The following MTMR7 variants were observed in gnomAD, a reference collection of about 807,000 sequenced individuals.
MTMR7 encodes the protein myotubularin related protein 7, also known as phosphatidylinositol-3-phosphate phosphatase MTMR7.
In MTMR7, 76 loss-of-function variants were observed where a neutral mutation model predicts 81.2. The ratio of observed to expected loss-of-function variants is 0.94; its 90% CI spans 0.78 to 1.13. The LOEUF (loss-of-function observed/expected upper bound fraction) is 1.13, where lower values mean the gene tolerates loss of function less well. MTMR7 is among the 50% of genes most tolerant of loss of function. The pLI is 0.00. For missense variants in MTMR7, 1,044 were observed against 820.0 expected, an observed-to-expected ratio of 1.27 and a Z score of -3.34; for synonymous variants, 372 against 289.8, an observed-to-expected ratio of 1.28 and a Z score of -2.88.
chr8:17,326,986 G>T (rs1023097803), intron 7 of MTMR7, among the ~76,000 whole-genome samples: 1 of 152,218 alleles, frequency 6.6e-6, no homozygotes, highest in Admixed American at 6.5e-5. Context: ...GTAATGCAGT[G>T]ACCATTCTGC....
intron 1 of MTMR7, among the ~76,000 whole-genome samples, chr8:17,400,902 G>A (rs17124519): frequency 0.013 from 2,002 of 152,160 alleles, 47 homozygotes; most frequent in African/African-American, 0.035. Context: ...CTCAAAAATC[G>A]CCCACATTTC....
At chr8:17,401,342 G>A (rs1821424266) in intron 1 of MTMR7, among the ~76,000 whole-genome samples, 2 of 152,096 alleles carry the variant, frequency 1.3e-5, no homozygotes, top group Admixed American at 1.3e-4. Flanking sequence ...CTCGTGCAAA[G>A]GTGTTGAAAA....
intron 1 of MTMR7, among the ~76,000 whole-genome samples, chr8:17,380,479 A>C (rs893050555): frequency 2.0e-5 from 3 of 151,970 alleles, no homozygotes; most frequent in African/African-American, 7.3e-5. Context: ...ATGGGTCTCC[A>C]ACCTTTCGGC....
chr8:17,305,551 G>GA (rs1817392676), intron 11 of MTMR7, among the ~76,000 whole-genome samples: 1 of 151,986 alleles, frequency 6.6e-6, no homozygotes, highest in South Asian at 2.1e-4. Context: ...GAAACTGAAG[G>GA]AAAAAATGAA....
chr8:17,397,751 C>T (rs1821305641), intron 1 of MTMR7, among the ~76,000 whole-genome samples: 1 of 152,128 alleles, frequency 6.6e-6, no homozygotes, highest in African/African-American at 2.4e-5. Context: ...GTAGTGGTTA[C>T]AGTGGATCCT....
chr8:17,382,377 G>A (rs1326785264), intron 1 of MTMR7, among the ~76,000 whole-genome samples: 1 of 151,986 alleles, frequency 6.6e-6, no homozygotes, highest in Admixed American at 6.6e-5. Flanking sequence ...CTTCTTTTTT[G>A]CTTCTCTTGG....
chr8:17,304,464 A>T lies in MTMR7; in HGVS notation c.1408T>A (p.Tyr470Asn), dbSNP rs370848870. 33 of 1,614,100 alleles carry T rather than the reference A, an allele frequency of 2.0e-5. No individual in the cohort carries two copies. The East Asian group carries it at 4.2e-4, about 21-fold the overall frequency. The change falls in exon 12 of 14, where the codon TAC becomes AAC. Residue 470 changes from tyrosine to asparagine, a missense_variant. By Grantham distance (143) the Tyr-to-Asn change is moderately radical (BLOSUM62 -2). Transcript: ENST00000180173. ...WAHLWKNRAD[Y>N]LNPLFRADHS... Reference sequence around the variant, plus strand: ...TCAGCTCTAAACAGAGGATTCAGGTAGTCGGCCCGATTCTTCCACAGGTGA... The same window carrying T: ...TCAGCTCTAAACAGAGGATTCAGGTTGTCGGCCCGATTCTTCCACAGGTGA...
At chr8:17,324,026 T>C (rs1818542406) in intron 7 of MTMR7, among the ~76,000 whole-genome samples, 1 of 152,188 alleles carries the variant, frequency 6.6e-6, no homozygotes, top group African/African-American at 2.4e-5. Context: ...AACCTTCTTT[T>C]CTTTTGTCCC....
intron 9 of MTMR7, among the ~76,000 whole-genome samples, chr8:17,309,644 C>A (rs1335135044): frequency 6.6e-6 from 1 of 152,198 alleles, no homozygotes; most frequent in African/African-American, 2.4e-5. Context: ...GGTATTCTCA[C>A]TCTTTTAGAA....
chr8:17,412,093 C>A (rs1821751013), intron 1 of MTMR7, among the ~76,000 whole-genome samples: 1 of 152,224 alleles, frequency 6.6e-6, no homozygotes, highest in Non-Finnish European at 1.5e-5. Context: ...CAACTTAATT[C>A]CCTAGTGCAA....
chr8:17,396,838 C>A (rs1407425453), intron 1 of MTMR7, among the ~76,000 whole-genome samples: 1 of 151,616 alleles, frequency 6.6e-6, no homozygotes, highest in Non-Finnish European at 1.5e-5. Context: ...GAGAGGAGAG[C>A]AAAGAGTAAA....
In MTMR7 at chr8:17,301,178, G is replaced by GAGAT. The variant is rs142513946; in HGVS notation, c.1621-958_1621-955dup. ...ACTGTGCTGGGCAGTGTGAGGAAAA[G>GAGAT]AGATAGATAAATACAGACCCAGCCT... On this transcript the variant is annotated intron_variant, in intron 13 of 13. Transcript: ENST00000180173. 2.8e-4 allele frequency among the ~76,000 whole-genome samples: 42 copies of GAGAT among 152,362 alleles called. 1 individual carries two copies. The highest frequency in any genetic ancestry group is 8.3e-4 in the South Asian group (4 of 4,832).
intron 7 of MTMR7, among the ~76,000 whole-genome samples, chr8:17,318,530 T>C (rs1818216448): frequency 6.6e-6 from 1 of 152,092 alleles, no homozygotes; most frequent in South Asian, 2.1e-4. Context: ...TAACGGATAG[T>C]GTTCCCGATG....
intron 1 of MTMR7, among the ~76,000 whole-genome samples, chr8:17,398,772 A>G (rs1009911417): frequency 6.6e-6 from 1 of 152,174 alleles, no homozygotes; most frequent in Non-Finnish European, 1.5e-5. Flanking sequence ...TTTTCAAGGC[A>G]TAGTACAATA....
chr8:17,312,329 C>A (rs1817826700), intron 8 of MTMR7, among the ~76,000 whole-genome samples: 1 of 152,134 alleles, frequency 6.6e-6, no homozygotes, highest in African/African-American at 2.4e-5. Flanking sequence ...AATCCCAGCA[C>A]TTTGGGAGGC....
intron 7 of MTMR7, among the ~76,000 whole-genome samples, chr8:17,316,486 TAC>T (rs1818080891): frequency 6.6e-6 from 1 of 150,574 alleles, no homozygotes; most frequent in Non-Finnish European, 1.5e-5. Context: ...AAAACCTTTC[TAC>T]AGTCTCCTTG....
At chr8:17,397,153 G>A (rs948327234) in intron 1 of MTMR7, among the ~76,000 whole-genome samples, 2 of 151,912 alleles carry the variant, frequency 1.3e-5, no homozygotes, top group East Asian at 3.9e-4. Flanking sequence ...CAGCTGTGGA[G>A]GCTATGGAGA....
chr8:17,366,702 C>T lies in MTMR7; in HGVS notation c.310+4335G>A, dbSNP rs186474075. ...GAGGTCGAGACCATCCTAGTGAACA[C>T]GGTGAAACCCTGTCTCTACTAAAAA... On this transcript the variant is annotated intron_variant, in intron 3 of 13. Transcript: ENST00000180173. Among the ~76,000 whole-genome samples, 645 of 151,942 alleles carry T rather than the reference C, an allele frequency of 4.2e-3. 2 individuals are homozygous for T. Among genetic ancestry groups the T allele is most frequent in the Non-Finnish European group, 6.4e-3 (436 of 67,964 alleles).
At chr8:17,348,272 T>C (rs1819620739) in intron 5 of MTMR7, among the ~76,000 whole-genome samples, 1 of 152,066 alleles carries the variant, frequency 6.6e-6, no homozygotes, top group Non-Finnish European at 1.5e-5. Context: ...GCACAGTGGC[T>C]CACGCCTGTA....
Sources: allele counts gnomAD v4.1 joint callset (sites outside exome capture counted in the v4.1 genomes callset), GRCh38; gene constraint gnomAD v4.1.1; transcripts MANE v1.5; gene names NCBI Gene and HGNC (gene_info 2026-07-23, HGNC 2026-07-21).